GPC6: variants seen among roughly 807,000 people sequenced by gnomAD.
GPC6 encodes glypican 6.
Under a neutral mutation model 55.2 loss-of-function variants are expected in GPC6, and 14 were observed. The ratio of observed to expected loss-of-function variants is 0.25; its 90% CI spans 0.17 to 0.40. The LOEUF (loss-of-function observed/expected upper bound fraction) is 0.40, where lower values mean the gene tolerates loss of function less well. Ranked by LOEUF, GPC6 falls within the 10% of genes least tolerant of loss-of-function variation. The pLI, the probability that GPC6 is intolerant of heterozygous loss-of-function variation, is 1.00. For synonymous variants in GPC6, 278 were observed against 259.6 expected, an observed-to-expected ratio of 1.07 and a Z score of -0.68; for missense variants, 641 against 708.5, an observed-to-expected ratio of 0.90 and a Z score of 1.08.
chr13:94,354,644 G>A (rs1052485422), intron 6 of GPC6, among the ~76,000 whole-genome samples: 1 of 152,194 alleles, frequency 6.6e-6, no homozygotes, highest in South Asian at 2.1e-4. Flanking sequence ...TATTCGGTAA[G>A]CTCTAGGCAA....
At chr13:93,242,033 T>G (rs886651710) in intron 1 of GPC6, among the ~76,000 whole-genome samples, 2 of 152,188 alleles carry the variant, frequency 1.3e-5, no homozygotes, top group African/African-American at 4.8e-5. Context: ...GGTGCTGGAA[T>G]GGCAGAGGTC....
intron 1 of GPC6, among the ~76,000 whole-genome samples, chr13:93,417,613 T>C (rs1876748772): frequency 6.6e-6 from 1 of 152,120 alleles, no homozygotes; most frequent in Non-Finnish European, 1.5e-5. Flanking sequence ...TCAGTATTTT[T>C]TGAAATGTTT....
At chr13:94,223,130 A>C (rs1396528825) in intron 4 of GPC6, among the ~76,000 whole-genome samples, 1 of 152,150 alleles carries the variant, frequency 6.6e-6, no homozygotes, top group Non-Finnish European at 1.5e-5. Context: ...AGTGTTTTTT[A>C]ATAGTTTTTA....
chr13:93,428,186 G>A (rs1331999794), intron 1 of GPC6, among the ~76,000 whole-genome samples: 1 of 12,250 alleles, frequency 8.2e-5, no homozygotes, highest in Non-Finnish European at 3.6e-3. Flanking sequence ...AATGAATTTA[G>A]CAAAAATAGA....
intron 1 of GPC6, among the ~76,000 whole-genome samples, chr13:93,466,870 T>C (rs1304187212): frequency 6.6e-6 from 1 of 152,212 alleles, no homozygotes; most frequent in Non-Finnish European, 1.5e-5. Context: ...TCACTATTAA[T>C]TGAGTTATAA....
chr13:94,357,393 CCCTACTT>C (rs1392570440), intron 6 of GPC6, among the ~76,000 whole-genome samples: 3 of 152,160 alleles, frequency 2.0e-5, no homozygotes, highest in Non-Finnish European at 2.9e-5. Context: ...TCCCTAGAGC[CCCTACTT>C]GGCAGACCCA....
chr13:93,329,450 C>T (rs558820325), intron 1 of GPC6, among the ~76,000 whole-genome samples: 1 of 152,328 alleles, frequency 6.6e-6, no homozygotes, highest in African/African-American at 2.4e-5. Flanking sequence ...TAAACACTAT[C>T]TCCCTACTTC....
At chr13:94,240,017 G>T (rs938088567) in intron 4 of GPC6, among the ~76,000 whole-genome samples, 7 of 152,124 alleles carry the variant, frequency 4.6e-5, no homozygotes, top group African/African-American at 1.7e-4. Context: ...GTGAAGCTGA[G>T]AGCTTAAACT....
chr13:93,889,864 T>G (rs931586222), intron 3 of GPC6, among the ~76,000 whole-genome samples: 2 of 152,088 alleles, frequency 1.3e-5, no homozygotes, highest in African/African-American at 4.8e-5. Flanking sequence ...AAGGGTGATA[T>G]GCAAAGGTGT....
At chr13:93,306,882 G>A (rs1312972963) in intron 1 of GPC6, among the ~76,000 whole-genome samples, 3 of 151,972 alleles carry the variant, frequency 2.0e-5, no homozygotes, top group Non-Finnish European at 2.9e-5. Context: ...TTTTAAATAC[G>A]CATGTCCCCT....
chr13:93,870,659 C>T (rs1242273632), intron 3 of GPC6, among the ~76,000 whole-genome samples: 1 of 151,620 alleles, frequency 6.6e-6, no homozygotes, highest in Non-Finnish European at 1.5e-5. Flanking sequence ...TAGGGTTAGT[C>T]CAAATCCAAT....
At chr13:93,615,543 C>T (rs896432265) in intron 2 of GPC6, among the ~76,000 whole-genome samples, 1 of 152,116 alleles carries the variant, frequency 6.6e-6, no homozygotes, top group Non-Finnish European at 1.5e-5. Context: ...GCTATTTGGG[C>T]AGCAGCCACA....
intron 1 of GPC6, among the ~76,000 whole-genome samples, chr13:93,324,710 TA>T (rs1879590249): frequency 6.6e-6 from 1 of 151,632 alleles, no homozygotes; most frequent in Non-Finnish European, 1.5e-5. Context: ...TGAGCTATGT[TA>T]AGAGGATTAA....
intron 3 of GPC6, among the ~76,000 whole-genome samples, chr13:93,977,143 T>C (rs1315005644): frequency 2.0e-5 from 3 of 152,126 alleles, no homozygotes; most frequent in African/African-American, 7.2e-5. Context: ...ATTGTTTTCA[T>C]TATTCAGTTT....
chr13:93,538,886 A>T (rs941883845), intron 1 of GPC6, among the ~76,000 whole-genome samples: 1 of 151,740 alleles, frequency 6.6e-6, no homozygotes, highest in African/African-American at 2.4e-5. Flanking sequence ...TTAAATACTC[A>T]TGGGTATGTA....
At chr13:93,216,980 A>G in the GPC6 span, among the ~76,000 whole-genome samples, 1 of 152,218 alleles carries the variant, frequency 6.6e-6, no homozygotes, top group African/African-American at 2.4e-5. Context: ...AATACATAAT[A>G]GTTTTGCATG....
chr13:93,761,717 A>G (rs1884961711), intron 2 of GPC6, among the ~76,000 whole-genome samples: 1 of 152,126 alleles, frequency 6.6e-6, no homozygotes, highest in Non-Finnish European at 1.5e-5. Context: ...GCTATGTTGC[A>G]CAGGCTGCTA....
chr13:93,774,587 C>T (rs4773763), intron 2 of GPC6, among the ~76,000 whole-genome samples: 31,191 of 152,060 alleles, frequency 0.21, 3,661 homozygotes, highest in Non-Finnish European at 0.26. Context: ...TTCTCAGGAA[C>T]TCTCTTTAAT....
intron 6 of GPC6, among the ~76,000 whole-genome samples, chr13:94,371,310 C>T (rs1324608236): frequency 6.6e-6 from 1 of 152,098 alleles, no homozygotes; most frequent in Non-Finnish European, 1.5e-5. Context: ...CACATTGAAT[C>T]TCTTGCACAC....
Sources: gnomAD v4.1 joint callset for allele counts (sites outside exome capture counted in the v4.1 genomes callset) on GRCh38, gnomAD v4.1.1 for gene constraint, MANE v1.5 for transcripts, NCBI Gene and HGNC (gene_info 2026-07-23, HGNC 2026-07-21) for gene names.